SKP1: variants seen among roughly 807,000 people sequenced by gnomAD.
The protein encoded by SKP1 is S-phase kinase-associated protein 1.
In SKP1, 1 loss-of-function variant was observed where a neutral mutation model predicts 21.5. The observed-to-expected ratio is 0.05, with a 90% CI of 0.02 to 0.22. SKP1 has a LOEUF of 0.22. Ranked by LOEUF, SKP1 falls within the 10% of genes least tolerant of loss-of-function variation. The pLI, the probability that SKP1 is intolerant of heterozygous loss-of-function variation, is 1.00. For synonymous variants in SKP1, 59 were observed against 59.3 expected (o/e 0.99, Z 0.03); for missense variants, 70 against 192.0 (o/e 0.36, Z 3.76).
Position 134,167,398 on chromosome 5 carries a change from A to G in SKP1, c.98-155T>C, listed in dbSNP as rs576011380. On this transcript the variant is annotated intron_variant, in intron 2 of 5. Transcript: ENST00000353411. ...ACAGATTAAACATATTGGGAAAAAA[A>G]ATGGATGGCTGTGTCTTGCACTAAA... 3.9e-5 allele frequency among the ~76,000 whole-genome samples: 6 copies of G among 152,340 alleles called. No individual in the cohort carries two copies. The East Asian group carries it at 9.6e-4, about 24-fold the overall frequency.
Position 134,171,743 on chromosome 5 carries a change from T to C in SKP1, c.97+2183A>G, listed in dbSNP as rs556362673. Among the ~76,000 whole-genome samples the C allele has an allele frequency of 6.6e-5, 10 of 152,354 alleles. No homozygotes were observed. The East Asian group carries it at 1.9e-3, about 29-fold the overall frequency. On this transcript the variant is annotated intron_variant, in intron 2 of 5. Transcript: ENST00000353411. Reference sequence around the variant, plus strand: ...ATCTCCCAAAACATTCTAATTTTACTAGATTTGAAATATCACCTCGGCTGG... The same window carrying C: ...ATCTCCCAAAACATTCTAATTTTACCAGATTTGAAATATCACCTCGGCTGG...
chr5:134,173,727 G>T (rs1196324698), intron 2 of SKP1, 199 bp downstream of exon 2: 2 of 671,240 alleles, frequency 3.0e-6, no homozygotes, highest in Admixed American at 4.1e-5. Flanking sequence ...TTTAATGAGA[G>T]AACGACCCTC....
intron 1 of SKP1, chr5:134,175,105 C>T (rs529686327): frequency 1.3e-5 from 2 of 152,332 alleles, no homozygotes; most frequent in East Asian, 3.8e-4. Context: ...TATCATTTGG[C>T]ATTTAAAACA....
intron 2 of SKP1, among the ~76,000 whole-genome samples, chr5:134,169,236 A>G (rs73791510): frequency 0.03 from 4,621 of 152,270 alleles, 188 homozygotes; most frequent in African/African-American, 0.096. Flanking sequence ...GGAGCGGTAA[A>G]GATGAAAGTA....
chr5:134,163,164 A>G (rs1021382116), intron 3 of SKP1, among the ~76,000 whole-genome samples: 1 of 138,242 alleles, frequency 7.2e-6, no homozygotes, highest in African/African-American at 2.7e-5. Context: ...GTAGTGAGCC[A>G]TGATCGTGCC....
chr5:134,158,168 T>C, intron 5 of SKP1: 1 of 1,386,808 alleles, frequency 7.2e-7, no homozygotes, highest in Non-Finnish European at 9.3e-7. Context: ...GTCAGATATG[T>C]ATGGTCTATA....
rs183173631 is a variant in SKP1, at chr5:134,164,179, G to A, written c.171+2991C>T. Reference sequence around the variant, plus strand: ...CTACTCAAAATACAAAAAATTAGCCGGGCGTGGTGGCGCGCGCCTGTAATC... The same window carrying A: ...CTACTCAAAATACAAAAAATTAGCCAGGCGTGGTGGCGCGCGCCTGTAATC... On this transcript the variant is annotated intron_variant, in intron 3 of 5. Coordinates refer to ENST00000353411, the MANE Select transcript of SKP1 (RefSeq NM_170679.3). Among the ~76,000 whole-genome samples, 72 of 151,922 alleles carry A rather than the reference G, an allele frequency of 4.7e-4. No homozygotes were observed. In the East Asian group the frequency reaches 0.012, roughly 26 times the overall value.
At chr5:134,162,124 T>C (rs1014680932) in intron 3 of SKP1, among the ~76,000 whole-genome samples, 3 of 152,144 alleles carry the variant, frequency 2.0e-5, no homozygotes, top group Non-Finnish European at 4.4e-5. Flanking sequence ...TTGTTTGTTT[T>C]TGAGACAAGA....
chr5:134,152,290 T>G lies in SKP1; in HGVS notation c.*5443A>C, dbSNP rs536643893. ...TAAATGCTGATAAAATACTACTGAG[T>G]GTCAGCAAAGTACTGTGACTAATCC... is the stretch of plus-strand genomic sequence containing the variant. On this transcript the variant is annotated 3_prime_UTR_variant, in exon 6 of 6. Transcript: ENST00000353411. The G allele has an allele frequency of 6.6e-6, 1 of 152,388 alleles. No homozygotes were observed. Among genetic ancestry groups the G allele is most frequent in the East Asian group, 1.9e-4 (1 of 5,190 alleles). The allele number at this position is 152,388 out of a possible 1,614,324, so 9.4% of individuals were successfully genotyped here.
At chr5:134,174,243 C>T (rs776701441) in intron 1 of SKP1, among the ~76,000 whole-genome samples, 3 of 152,156 alleles carry the variant, frequency 2.0e-5, no homozygotes, top group African/African-American at 7.2e-5. Context: ...GGAACAGAAG[C>T]TTTTAAGGCC....
chr5:134,172,029 A>G (rs1761451594), intron 2 of SKP1, among the ~76,000 whole-genome samples: 1 of 152,232 alleles, frequency 6.6e-6, no homozygotes. Flanking sequence ...GGGCAACAAG[A>G]GCAAAACTCA....
chr5:134,172,406 A>G (rs1358060049), intron 2 of SKP1, among the ~76,000 whole-genome samples: 2 of 152,192 alleles, frequency 1.3e-5, no homozygotes, highest in Non-Finnish European at 1.5e-5. Flanking sequence ...TTTTTCATCA[A>G]TTCCAGACAC....
chr5:134,154,950 C>T lies in SKP1; in HGVS notation c.*2783G>A, dbSNP rs1032211703. 2.0e-5 allele frequency: 3 copies of T among 152,170 alleles called. No individual in the cohort carries two copies. Among genetic ancestry groups the T allele is most frequent in the African/African-American group, 4.8e-5 (2 of 41,436 alleles). The allele number at this position is 152,170 out of a possible 1,614,324, so 9.4% of individuals were successfully genotyped here. On this transcript the variant is annotated 3_prime_UTR_variant, in exon 6 of 6. Transcript: ENST00000353411. ...AACTACTCTTCTTGTTTTCATTATG[C>T]CCTGTACCTGCATTTCACAAGGACT...
chr5:134,173,835 T>G (rs1761489512), intron 2 of SKP1, 91 bp downstream of exon 2: 2 of 800,626 alleles, frequency 2.5e-6, no homozygotes, highest in Non-Finnish European at 4.5e-6. Context: ...CTCAAGCACC[T>G]TATGACAGGC....
intron 2 of SKP1, chr5:134,170,850 G>C (rs1355471806): frequency 2.7e-6 from 1 of 374,144 alleles, no homozygotes; most frequent in Non-Finnish European, 5.2e-6. Flanking sequence ...TAGTGTGTCA[G>C]GCACCAAGAT....
chr5:134,158,421 C>G, intron 5 of SKP1, 34 bp downstream of exon 5: 1 of 1,613,776 alleles, frequency 6.2e-7, no homozygotes, highest in South Asian at 1.1e-5. Flanking sequence ...TTTTTAAGAG[C>G]ATGTGATCAA....
At chr5:134,168,912 A>G (rs1287684642) in intron 2 of SKP1, among the ~76,000 whole-genome samples, 1 of 152,098 alleles carries the variant, frequency 6.6e-6, no homozygotes, top group Non-Finnish European at 1.5e-5. Context: ...CCAGAAATCA[A>G]GAGAAGAAAT....
intron 2 of SKP1, among the ~76,000 whole-genome samples, chr5:134,168,310 C>A (rs1476355734): frequency 2.6e-5 from 4 of 152,122 alleles, no homozygotes; most frequent in Admixed American, 2.6e-4. Flanking sequence ...AAATCTCAAT[C>A]TATTCAAATC....
chr5:134,174,536 T>C (rs1338345402), intron 1 of SKP1: 1 of 869,112 alleles, frequency 1.2e-6, no homozygotes, highest in African/African-American at 1.8e-5. Flanking sequence ...CAAGACCATA[T>C]ACAAGAGAAT....
Sources: allele counts gnomAD v4.1 joint callset (sites outside exome capture counted in the v4.1 genomes callset), GRCh38; gene constraint gnomAD v4.1.1; transcripts MANE v1.5; gene names NCBI Gene and HGNC (gene_info 2026-07-23, HGNC 2026-07-21).